ARNT: variants seen among roughly 807,000 people sequenced by gnomAD.
The protein encoded by ARNT is class E basic helix-loop-helix protein 2.
A neutral mutation model predicts 105.0 loss-of-function variants in ARNT; 30 were observed. That is an observed-to-expected ratio of 0.29 (90% CI 0.21 to 0.39). The LOEUF (loss-of-function observed/expected upper bound fraction) is 0.39. Ranked by LOEUF, ARNT falls within the 10% of genes least tolerant of loss-of-function variation. The probability of loss-of-function intolerance (pLI) is 1.00; values close to 1 mark genes in which losing one functional copy is unlikely to be tolerated. For missense variants in ARNT, 748 were observed against 978.7 expected (o/e 0.76, Z 3.15); for synonymous variants, 304 against 344.0 (o/e 0.88, Z 1.29).
chr1:150,837,970 G>A (rs760714433), intron 6 of ARNT, among the ~76,000 whole-genome samples: 5 of 151,778 alleles, frequency 3.3e-5, no homozygotes, highest in Non-Finnish European at 7.4e-5. Context: ...CAGTTTTATC[G>A]ATTCTACTTT....
Position 150,832,348 on chromosome 1 carries a change from C to T in ARNT, c.855G>A (p.Val285=), listed in dbSNP as rs1373444838. 4 of 1,613,988 alleles carry T rather than the reference C, an allele frequency of 2.5e-6. No individual in the cohort carries two copies. In the South Asian group the frequency reaches 4.4e-5, roughly 18 times the overall value. Reference sequence around the variant, plus strand: ...TAGGATCTCACCTGCATCTGTTCCTCACAAAGCTCAGCCTATTCACAGAAA... The same window carrying T: ...TAGGATCTCACCTGCATCTGTTCCTTACAAAGCTCAGCCTATTCACAGAAA... ...DPVSVNRLSF[V]RNRCRNGLGS... The change falls in exon 9 of 22, where the codon GTG becomes GTA. Residue 285 remains valine, a synonymous_variant. Coordinates refer to ENST00000358595, the MANE Select transcript of ARNT (RefSeq NM_001668.4).
Position 150,839,432 on chromosome 1 carries a change from C to T in ARNT, c.486+9G>A. 6.2e-7 allele frequency: 1 copy of T among 1,614,078 alleles called. No individual in the cohort carries two copies. The highest frequency in any genetic ancestry group is 2.2e-5 in the East Asian group (1 of 44,890). ...TCCAGACTCTCTCAGAACTATAAGT[C>T]CCAGAGACCTGATCAGTGAGGAAAG... On this transcript the variant is annotated intron_variant, in intron 6 of 21. Transcript: ENST00000358595.
Position 150,829,224 on chromosome 1 carries a change from T to C in ARNT, c.1036A>G (p.Thr346Ala). Reference sequence around the variant, plus strand: ...ATGTCTGTACAGTTGGGAGAACTAGTTACCTGAGAGTGAAGAGATAAAAAT... The same window carrying C: ...ATGTCTGTACAGTTGGGAGAACTAGCTACCTGAGAGTGAAGAGATAAAAAT... ...CLVAIGRLQV[T>A]SSPNCTDMSN... The change falls in exon 12 of 22, where the codon ACT becomes GCT. Residue 346 changes from threonine (T) to alanine (A), a missense_variant. Thr to Ala is a moderately conservative substitution (Grantham distance 58). Coordinates refer to ENST00000358595, the MANE Select transcript of ARNT (RefSeq NM_001668.4). 2.8e-5 allele frequency: 45 copies of C among 1,613,500 alleles called. No homozygotes were observed. Among genetic ancestry groups the C allele is most frequent in the Non-Finnish European group, 3.6e-5 (42 of 1,179,618 alleles).
In ARNT at chr1:150,851,611, A is replaced by C. The variant is rs376557844; in HGVS notation, c.182+1151T>G. Among the ~76,000 whole-genome samples the C allele has an allele frequency of 5.9e-5, 9 of 152,348 alleles. No individual in the cohort carries two copies. The East Asian group carries it at 9.7e-4, about 16-fold the overall frequency. ...GCTGTGTCCACTCAGGGTTAAATGG[A>C]TTAAGGGCGGTGCAAGATGTGCTTT... On this transcript the variant is annotated intron_variant, in intron 3 of 21. Transcript: ENST00000358595.
intron 1 of ARNT, among the ~76,000 whole-genome samples, chr1:150,859,883 T>C (rs1193680667): frequency 1.3e-5 from 2 of 151,944 alleles, no homozygotes; most frequent in Non-Finnish European, 2.9e-5. Context: ...GGCCCATGCC[T>C]GTAGTCCCAG....
At chr1:150,841,763 T>C (rs1661341078) in intron 5 of ARNT, among the ~76,000 whole-genome samples, 3 of 152,226 alleles carry the variant, frequency 2.0e-5, no homozygotes, top group Non-Finnish European at 4.4e-5. Context: ...CATATTTAGT[T>C]ACACTTTGCC....
chr1:150,830,082 G>C, intron 10 of ARNT, 102 bp from the exon 11 acceptor site: 1 of 1,324,602 alleles, frequency 7.5e-7, no homozygotes, highest in Non-Finnish European at 1.1e-6. Context: ...TTATGGGCCA[G>C]GCACCGTGGC....
rs200269963 is a variant in ARNT at position 150,829,996 on chromosome 1, G to T, written c.956-16C>A. 6.2e-7 allele frequency: 1 copy of T among 1,613,948 alleles called. No individual in the cohort carries two copies. Among genetic ancestry groups the T allele is most frequent in the East Asian group, 2.2e-5 (1 of 44,886 alleles). Reference sequence around the variant, plus strand: ...AGGGAAACACCTTCAGAAACGTGACGTTAAAAGGTTTAACGGGGACCTCCA... The same window carrying T: ...AGGGAAACACCTTCAGAAACGTGACTTTAAAAGGTTTAACGGGGACCTCCA... On this transcript the variant is annotated splice_polypyrimidine_tract_variant and intron_variant, in intron 10 of 21. Coordinates refer to ENST00000358595, the MANE Select transcript of ARNT (RefSeq NM_001668.4).
At chr1:150,829,523 C>G in intron 11 of ARNT, 1 of 597,352 alleles carries the variant, frequency 1.7e-6, no homozygotes, top group Non-Finnish European at 3.1e-6. Flanking sequence ...TGATATGGTA[C>G]AAGTAACCAA....
At chr1:150,817,262 T>G in intron 16 of ARNT, 60 bp from the exon 17 acceptor site, 3 of 1,612,100 alleles carry the variant, frequency 1.9e-6, no homozygotes, top group Non-Finnish European at 2.5e-6. Context: ...TCAATAACCC[T>G]AAAATTCATA....
In ARNT at chr1:150,833,937, C is replaced by CT. The variant is rs1449123694; in HGVS notation, c.803+600dup. Among the ~76,000 whole-genome samples the CT allele has an allele frequency of 2.6e-3, 373 of 141,840 alleles. 1 individual carries two copies. The highest frequency in any genetic ancestry group is 4.8e-3 in the African/African-American group (188 of 39,022). 93.1% of individuals were successfully genotyped at this position (141,840 alleles called of 152,430 possible). ...GGGAAATTCATTTCTTTTTCTTTTT[C>CT]TTTTTTTTTTTTTTGAGACAGAGTT... is the stretch of plus-strand genomic sequence containing the variant. On this transcript the variant is annotated intron_variant, in intron 8 of 21. Transcript: ENST00000358595.
chr1:150,822,683 C>T (rs1657352990), intron 14 of ARNT, among the ~76,000 whole-genome samples: 1 of 152,124 alleles, frequency 6.6e-6, no homozygotes, highest in Admixed American at 6.6e-5. Flanking sequence ...TAAATGTTCC[C>T]TGAGCCATTC....
chr1:150,813,097 C>A (rs1655072082), intron 21 of ARNT, 75 bp downstream of exon 21: 3 of 1,514,598 alleles, frequency 2.0e-6, no homozygotes, highest in Non-Finnish European at 9.0e-7. Flanking sequence ...AGGCATGCTT[C>A]CTTCACTGTC....
chr1:150,861,316 C>A, intron 1 of ARNT: 4 of 404,128 alleles, frequency 9.9e-6, no homozygotes, highest in East Asian at 8.1e-5. Flanking sequence ...GGAAACACAG[C>A]AAGACAACAT....
chr1:150,845,010 A>C (rs1475908168), intron 4 of ARNT, among the ~76,000 whole-genome samples: 5 of 152,006 alleles, frequency 3.3e-5, no homozygotes, highest in African/African-American at 1.2e-4. Context: ...GGGTTTCACC[A>C]TGTTGGCCAG....
rs1654455390 is a variant in ARNT at position 150,810,092 on chromosome 1, AATTTTACAAAAGGAAAAAAT to A, written c.*1909_*1928del. The A allele has an allele frequency of 4.3e-6, 1 of 230,514 alleles. No individual in the cohort carries two copies. Among genetic ancestry groups the A allele is most frequent in the Non-Finnish European group, 8.6e-6 (1 of 116,044 alleles). The allele number at this position is 230,514 out of a possible 1,614,324, so 14.3% of individuals were successfully genotyped here. ...GCAATCAAGATCACACAACACAAGA[AATTTTACAAAAGGAAAAAAT>A]ATTTTGTTTGAAAATCTTTGCTACA... On this transcript the variant is annotated 3_prime_UTR_variant, in exon 22 of 22. Coordinates refer to ENST00000358595, the MANE Select transcript of ARNT (RefSeq NM_001668.4).
Position 150,836,285 on chromosome 1 carries a change from A to G in ARNT, c.695T>C (p.Leu232Pro). ...REQLSTSENA[L>P]TGRILDLKTG... is the part of the protein sequence containing the mutation. ...CCCATACACATAACTCTCACCTGTC[A>G]GGGCATTTTCTGAAGTGGAAAGCTG... Residue 232 changes from leucine (L) to proline (P), a missense_variant, in exon 7 of 22, where the codon CTG becomes CCG. Transcript: ENST00000358595. The G allele has an allele frequency of 6.2e-7, 1 of 1,614,118 alleles. No homozygotes were observed. Among genetic ancestry groups the G allele is most frequent in the Non-Finnish European group, 8.5e-7 (1 of 1,179,942 alleles).
intron 1 of ARNT, among the ~76,000 whole-genome samples, chr1:150,861,778 A>T (rs1665689459): frequency 6.6e-6 from 1 of 152,224 alleles, no homozygotes; most frequent in Admixed American, 6.5e-5. Flanking sequence ...CCTGACTTAT[A>T]ATGGTTCCAT....
intron 3 of ARNT, among the ~76,000 whole-genome samples, chr1:150,847,918 T>A (rs939642071): frequency 6.6e-6 from 1 of 152,178 alleles, no homozygotes; most frequent in African/African-American, 2.4e-5. Flanking sequence ...GCAAAGTTCA[T>A]CTAGTGAGTA....
Sources: allele counts gnomAD v4.1 joint callset (sites outside exome capture counted in the v4.1 genomes callset), GRCh38; gene constraint gnomAD v4.1.1; transcripts MANE v1.5; gene names NCBI Gene and HGNC (gene_info 2026-07-23, HGNC 2026-07-21).